SRPK2: variants seen among roughly 807,000 people sequenced by gnomAD.
The protein encoded by SRPK2 is SRSF protein kinase 2, also known as SFRS protein kinase 2.
In SRPK2, 21 loss-of-function variants were observed where a neutral mutation model predicts 90.8. The observed-to-expected ratio is 0.23, with a 90% CI of 0.16 to 0.33. The LOEUF (loss-of-function observed/expected upper bound fraction) is 0.33, where lower values mean the gene tolerates loss of function less well. SRPK2 is among the 10% of genes least tolerant of loss of function. SRPK2 has a pLI of 1.00. For synonymous variants in SRPK2, 288 were observed against 311.1 expected (o/e 0.93, Z 0.78); for missense variants, 620 against 869.0 (o/e 0.71, Z 3.60).
intron 13 of SRPK2, among the ~76,000 whole-genome samples, chr7:105,131,026 G>A (rs1046998895): frequency 2.0e-5 from 3 of 152,116 alleles, no homozygotes; most frequent in Non-Finnish European, 4.4e-5. Flanking sequence ...AGGGACAAAC[G>A]TTCATCTAAT....
At chr7:105,232,108 TA>T (rs1799495747) in intron 2 of SRPK2, among the ~76,000 whole-genome samples, 2 of 152,188 alleles carry the variant, frequency 1.3e-5, no homozygotes, top group African/African-American at 4.8e-5. Context: ...CTTGCCTATA[TA>T]ATCTGCCTGC....
chr7:105,363,207 T>TA (rs1429217594), intron 2 of SRPK2, among the ~76,000 whole-genome samples: 1 of 151,234 alleles, frequency 6.6e-6, no homozygotes, highest in Non-Finnish European at 1.5e-5. Context: ...TAAAAATAAA[T>TA]AAAAAATAAA....
chr7:105,198,471 C>T (rs1201898042), intron 3 of SRPK2, among the ~76,000 whole-genome samples: 3 of 152,204 alleles, frequency 2.0e-5, no homozygotes, highest in Non-Finnish European at 4.4e-5. Flanking sequence ...GAATAAACTG[C>T]ACAGCCTACT....
At position 105,203,691 on chromosome 7, in the gene SRPK2, G is replaced by A; in HGVS notation, c.166C>T (p.Pro56Ser). 1.3e-6 allele frequency: 2 copies of A among 1,582,816 alleles called. No homozygotes were observed. The highest frequency in any genetic ancestry group is 1.7e-6 in the Non-Finnish European group (2 of 1,166,950). The change falls in exon 3 of 16, where the codon CCA (proline) becomes TCA (serine). Residue 56 changes from proline (P) to serine (S), a missense_variant. Transcript: ENST00000393651. ...PPLPDPTPPEPEEEILGSDDE... is the reference protein window; with the variant it reads ...PPLPDPTPPESEEEILGSDDE... ...TCTGATCCCAGGATCTCCTCCTCTG[G>A]CTCCGGGGGTGTGGGGTCTGGCAAA...
At chr7:105,120,569 A>G (rs1028799551) in intron 15 of SRPK2, among the ~76,000 whole-genome samples, 29 of 152,330 alleles carry the variant, frequency 1.9e-4, no homozygotes, top group African/African-American at 7.0e-4. Flanking sequence ...GTCTATAAAC[A>G]ACAGTATATG....
intron 2 of SRPK2, among the ~76,000 whole-genome samples, chr7:105,218,135 G>A (rs547584432): frequency 2.6e-5 from 4 of 152,252 alleles, no homozygotes; most frequent in South Asian, 2.1e-4. Context: ...CACTTCTGCC[G>A]GCACACAAGG....
chr7:105,358,799 A>G (rs961938875), intron 2 of SRPK2, among the ~76,000 whole-genome samples: 1 of 152,198 alleles, frequency 6.6e-6, no homozygotes, highest in African/African-American at 2.4e-5. Flanking sequence ...ATTTATTAAT[A>G]TAAAGAAAAG....
chr7:105,158,598 C>G (rs948830402), intron 7 of SRPK2, among the ~76,000 whole-genome samples: 1 of 152,112 alleles, frequency 6.6e-6, no homozygotes, highest in Non-Finnish European at 1.5e-5. Flanking sequence ...GTGGTGTGGT[C>G]AGTCACTTAA....
chr7:105,275,226 C>A (rs889088280), intron 2 of SRPK2, among the ~76,000 whole-genome samples: 1 of 152,134 alleles, frequency 6.6e-6, no homozygotes, highest in Non-Finnish European at 1.5e-5. Flanking sequence ...GGACCTAGAC[C>A]AAACCCCTGG....
intron 3 of SRPK2, among the ~76,000 whole-genome samples, chr7:105,195,610 T>C (rs1254520420): frequency 6.6e-6 from 1 of 152,254 alleles, no homozygotes; most frequent in African/African-American, 2.4e-5. Context: ...TTACACCTTG[T>C]TCTGCCTCCA....
chr7:105,391,183 A>AATTTATTTATTTATTT (rs67760645), upstream of SRPK2, among the ~76,000 whole-genome samples: 39 of 148,404 alleles, frequency 2.6e-4, no homozygotes, highest in East Asian at 2.2e-3. Context: ...ATGACTATAA[A>AATTTATTTATTTATTT]ATTTATTTAT....
chr7:105,377,675 G>T (rs369627061), intron 2 of SRPK2, among the ~76,000 whole-genome samples: 2 of 151,996 alleles, frequency 1.3e-5, no homozygotes, highest in African/African-American at 4.8e-5. Context: ...ACTCCAGCCT[G>T]AGCAACAGAG....
intron 1 of SRPK2, among the ~76,000 whole-genome samples, chr7:105,396,386 C>T (rs1007747283): frequency 6.6e-6 from 1 of 151,552 alleles, no homozygotes; most frequent in Non-Finnish European, 1.5e-5. Context: ...GCCTGTAATC[C>T]CAGCACTTTG....
chr7:105,180,063 C>G (rs1226779706), intron 3 of SRPK2, among the ~76,000 whole-genome samples: 1 of 152,038 alleles, frequency 6.6e-6, no homozygotes, highest in Non-Finnish European at 1.5e-5. Flanking sequence ...GCATTCTTCA[C>G]AGAATTAGAA....
At chr7:105,225,414 G>T (rs1798593446) in intron 2 of SRPK2, among the ~76,000 whole-genome samples, 1 of 152,162 alleles carries the variant, frequency 6.6e-6, no homozygotes, top group African/African-American at 2.4e-5. Flanking sequence ...TCCTATTTAT[G>T]ACTCATACAT....
intron 7 of SRPK2, among the ~76,000 whole-genome samples, chr7:105,147,622 C>T (rs1252474678): frequency 2.6e-5 from 4 of 152,136 alleles, no homozygotes; most frequent in African/African-American, 9.7e-5. Context: ...CGGCAACTAC[C>T]ACCACTATTT....
chr7:105,241,646 T>C (rs768409183), intron 2 of SRPK2, among the ~76,000 whole-genome samples: 1 of 152,214 alleles, frequency 6.6e-6, no homozygotes, highest in Non-Finnish European at 1.5e-5. Flanking sequence ...ATCCAATATA[T>C]TTTGCTGCTT....
At chr7:105,288,300 TAAAC>T (rs977907471) in intron 2 of SRPK2, among the ~76,000 whole-genome samples, 6 of 151,850 alleles carry the variant, frequency 4.0e-5, no homozygotes, top group Admixed American at 1.3e-4. Context: ...AATAAGTAAG[TAAAC>T]AAACAAACAA....
chr7:105,352,032 T>C (rs1266706208), intron 2 of SRPK2, among the ~76,000 whole-genome samples: 2 of 151,468 alleles, frequency 1.3e-5, no homozygotes, highest in African/African-American at 4.9e-5. Flanking sequence ...GATGATCCTA[T>C]TTTCCTAGAG....
Sources: gnomAD v4.1 joint callset for allele counts (sites outside exome capture counted in the v4.1 genomes callset) on GRCh38, gnomAD v4.1.1 for gene constraint, MANE v1.5 for transcripts, NCBI Gene and HGNC (gene_info 2026-07-23, HGNC 2026-07-21) for gene names.